RHBDD1: variants seen among roughly 807,000 people sequenced by gnomAD.
RHBDD1 encodes the protein rhomboid domain containing 1, also known as rhomboid-related protein 4.
Under a neutral mutation model 36.3 loss-of-function variants are expected in RHBDD1, and 38 were observed. The ratio of observed to expected loss-of-function variants is 1.05; its 90% CI spans 0.81 to 1.37. RHBDD1 has a LOEUF of 1.37. Ranked by LOEUF, RHBDD1 falls within the 40% of genes most tolerant of loss-of-function variation. The pLI is 0.00. For missense variants in RHBDD1, 393 were observed against 377.6 expected, an observed-to-expected ratio of 1.04 and a Z score of -0.34; for synonymous variants, 151 against 136.5, an observed-to-expected ratio of 1.11 and a Z score of -0.74.
At chr2:226,981,328 C>T (rs1403761582) in intron 8 of RHBDD1, among the ~76,000 whole-genome samples, 4 of 151,342 alleles carry the variant, frequency 2.6e-5, no homozygotes, top group Non-Finnish European at 5.9e-5. Flanking sequence ...AACGAGACCA[C>T]ACATTGTGCA....
the RHBDD1 span, among the ~76,000 whole-genome samples, chr2:226,812,748 A>G: frequency 2.0e-5 from 3 of 152,164 alleles, no homozygotes. Context: ...GAGGGGACTC[A>G]TTTAAAAAAA....
At chr2:226,913,504 T>C (rs917193064) in intron 7 of RHBDD1, among the ~76,000 whole-genome samples, 4 of 152,190 alleles carry the variant, frequency 2.6e-5, no homozygotes, top group African/African-American at 9.7e-5. Context: ...GGAAATATCT[T>C]CCAAAAATGA....
intron 5 of RHBDD1, among the ~76,000 whole-genome samples, chr2:226,868,267 C>T (rs1424478449): frequency 1.3e-5 from 2 of 152,088 alleles, no homozygotes; most frequent in East Asian, 3.9e-4. Context: ...AATTTTTTCC[C>T]TTACAGAGAA....
At chr2:226,889,056 A>C (rs960662351) in intron 5 of RHBDD1, among the ~76,000 whole-genome samples, 1 of 152,240 alleles carries the variant, frequency 6.6e-6, no homozygotes. Flanking sequence ...GTAAACGTTC[A>C]TTTAAAATTC....
the RHBDD1 span, chr2:226,804,577 A>G: frequency 6.6e-6 from 1 of 152,224 alleles, no homozygotes; most frequent in South Asian, 2.1e-4. Flanking sequence ...TTCTGCTCTC[A>G]TCTTGATTTC....
At chr2:226,989,828 G>T (rs966918260) in intron 8 of RHBDD1, among the ~76,000 whole-genome samples, 3 of 152,310 alleles carry the variant, frequency 2.0e-5, no homozygotes, top group East Asian at 3.9e-4. Context: ...TAAACTAGGG[G>T]CTGAGTTGAT....
intron 3 of RHBDD1, 96 bp downstream of exon 3, chr2:226,839,723 TATTGAGAAA>T (rs1392368291): frequency 1.4e-5 from 2 of 143,964 alleles, no homozygotes; most frequent in Non-Finnish European, 3.0e-5. Context: ...AGTGAGTGAT[TATTGAGAAA>T]AAAAAAAACC....
At chr2:226,907,647 G>A (rs1948163226) in intron 6 of RHBDD1, among the ~76,000 whole-genome samples, 1 of 151,868 alleles carries the variant, frequency 6.6e-6, no homozygotes, top group Admixed American at 6.6e-5. Context: ...CTGATGACTG[G>A]TATTCTTGAG....
chr2:226,935,885 G>A (rs1950298791), intron 8 of RHBDD1, among the ~76,000 whole-genome samples: 1 of 152,100 alleles, frequency 6.6e-6, no homozygotes, highest in Non-Finnish European at 1.5e-5. Context: ...TCAGTTGCGT[G>A]ATTATACAAG....
chr2:226,874,013 G>T (rs1464393137), intron 5 of RHBDD1, among the ~76,000 whole-genome samples: 1 of 152,160 alleles, frequency 6.6e-6, no homozygotes, highest in Non-Finnish European at 1.5e-5. Flanking sequence ...GTCCTACATG[G>T]TGGCAGGTGT....
chr2:226,836,375 C>G (rs557472880), intron 1 of RHBDD1, among the ~76,000 whole-genome samples: 1 of 152,234 alleles, frequency 6.6e-6, no homozygotes. Flanking sequence ...TGCCCACACT[C>G]GGAGGAAGGG....
Position 226,914,242 on chromosome 2 carries a change from C to T in RHBDD1, c.747C>T (p.Gly249=). The change falls in exon 8 of 9, where the codon GGC becomes GGT. Residue 249 remains glycine, a synonymous_variant. Transcript: ENST00000392062. ...GATATCAGGATTATTATCCGCATGG[C>T]AGGCCAGATCACTATGAAGAAGCAC... is the stretch of plus-strand genomic sequence containing the variant. ...SSGYQDYYPH[G]RPDHYEEAPR... is the part of the protein sequence containing the mutation. The T allele has an allele frequency of 1.2e-6, 2 of 1,613,742 alleles. No homozygotes were observed. Among genetic ancestry groups the T allele is most frequent in the South Asian group, 2.2e-5 (2 of 91,070 alleles).
intron 8 of RHBDD1, among the ~76,000 whole-genome samples, chr2:226,946,870 A>G (rs555977919): frequency 5.4e-4 from 82 of 152,350 alleles, no homozygotes; most frequent in African/African-American, 1.9e-3. Context: ...AAGCTTATTC[A>G]TCACGATCAA....
chr2:226,938,271 C>G (rs1254154995), intron 8 of RHBDD1, among the ~76,000 whole-genome samples: 1 of 151,946 alleles, frequency 6.6e-6, no homozygotes, highest in Non-Finnish European at 1.5e-5. Context: ...CCTTTGCCCA[C>G]TTTTTAATGG....
chr2:226,998,038 A>G lies in RHBDD1; in HGVS notation c.*2516A>G, dbSNP rs1182553764. On this transcript the variant is annotated 3_prime_UTR_variant, in exon 9 of 9. Coordinates refer to ENST00000392062, the MANE Select transcript of RHBDD1 (RefSeq NM_001167608.3). The stretch of plus-strand genomic sequence containing the variant: ...TAGTAGGGAATAAGCACTTAGAGCT[A>G]ATTTTTTAATTTGGTTTATTTATTA... 1.3e-5 allele frequency: 2 copies of G among 152,218 alleles called. No individual in the cohort carries two copies. The highest frequency in any genetic ancestry group is 2.9e-5 in the Non-Finnish European group (2 of 68,034). The allele number at this position is 152,218 out of a possible 1,614,324, so 9.4% of individuals were successfully genotyped here.
chr2:226,900,234 T>A (rs1042771985), intron 5 of RHBDD1, among the ~76,000 whole-genome samples: 3 of 152,226 alleles, frequency 2.0e-5, no homozygotes, highest in Admixed American at 2.0e-4. Flanking sequence ...TAAGTTATTG[T>A]TCCTTATTAA....
chr2:226,860,319 A>G (rs1473647965), intron 3 of RHBDD1, among the ~76,000 whole-genome samples: 1 of 152,194 alleles, frequency 6.6e-6, no homozygotes. Context: ...GATACAAGTT[A>G]GAATAATACA....
chr2:226,884,229 A>G (rs1220224084), intron 5 of RHBDD1, among the ~76,000 whole-genome samples: 1 of 152,020 alleles, frequency 6.6e-6, no homozygotes, highest in East Asian at 1.9e-4. Flanking sequence ...AGTGATTTTT[A>G]GTTAAAAGTC....
At chr2:226,836,416 T>A (rs2124891884) in intron 1 of RHBDD1, among the ~76,000 whole-genome samples, 1 of 152,320 alleles carries the variant, frequency 6.6e-6, no homozygotes, top group African/African-American at 2.4e-5. Context: ...AAGGGTTCCT[T>A]TTGAAAGCAG....
Sources: allele counts gnomAD v4.1 joint callset (sites outside exome capture counted in the v4.1 genomes callset), GRCh38; gene constraint gnomAD v4.1.1; transcripts MANE v1.5; gene names NCBI Gene and HGNC (gene_info 2026-07-23, HGNC 2026-07-21).